Variants in KIF17 observed in about 807,000 individuals in gnomAD.
The protein encoded by KIF17 is kinesin-like protein KIF17.
Under a neutral mutation model 96.8 loss-of-function variants are expected in KIF17, and 80 were observed. That is an observed-to-expected ratio of 0.83 (90% confidence interval 0.69 to 1.00). The LOEUF is 1.00. Among genes scored for constraint, KIF17 ranks in the 50% least tolerant of loss-of-function variants. The pLI, the probability that KIF17 is intolerant of heterozygous loss-of-function variation, is 0.00. For missense variants in KIF17, 1,280 were observed against 1,372.9 expected, an observed-to-expected ratio of 0.93 and a Z score of 1.07; for synonymous variants, 567 against 587.5, an observed-to-expected ratio of 0.97 and a Z score of 0.51.
In KIF17 at chr1:20,685,690, G is replaced by T. The variant is rs1457846243; in HGVS notation, c.2019+356C>A. ...CTTCCTCTCCTTTTGCTCCCCTGGG[G>T]TGTTCAAATTGGGTTCCCCGATGGT... On this transcript the variant is annotated intron_variant, in intron 9 of 14. Coordinates refer to ENST00000400463, the MANE Select transcript of KIF17 (RefSeq NM_001122819.3). This position sits in a 1 kb window ranked among gnomAD's most constrained non-coding sequence, Gnocchi z 4.1. 6.6e-6 allele frequency among the ~76,000 whole-genome samples: 1 copy of T among 152,168 alleles called. No homozygotes were observed. Among genetic ancestry groups the T allele is most frequent in the African/African-American group, 2.4e-5 (1 of 41,426 alleles).
At chr1:20,682,610 A>G (rs1363712774) in intron 11 of KIF17, 43 bp downstream of exon 11, 1 of 1,581,602 alleles carries the variant, frequency 6.3e-7, no homozygotes, top group South Asian at 1.1e-5. Context: ...GGTCTCACCC[A>G]TCTCTGGGCA....
chr1:20,670,912 C>T (rs976253589), intron 12 of KIF17, among the ~76,000 whole-genome samples: 2 of 152,158 alleles, frequency 1.3e-5, no homozygotes, highest in Non-Finnish European at 2.9e-5. Context: ...GTCAGGTCCA[C>T]GGCTGGAGAA....
In KIF17 at chr1:20,704,915, G is replaced by A; in HGVS notation, c.671-16C>T. 1 of 1,597,772 alleles carries A rather than the reference G, an allele frequency of 6.3e-7. No individual in the cohort carries two copies. Among genetic ancestry groups the A allele is most frequent in the Non-Finnish European group, 8.5e-7 (1 of 1,178,784 alleles). On this transcript the variant is annotated splice_polypyrimidine_tract_variant and intron_variant, in intron 4 of 14. Coordinates refer to ENST00000400463, the MANE Select transcript of KIF17 (RefSeq NM_001122819.3). This position sits in a 1 kb window ranked among gnomAD's most constrained non-coding sequence, Gnocchi z 6.8. ...CCCCGCTCATCTGCACACAGACCAG[G>A]CAAAGTGGCGAGGGCCTCGGGTGAG...
Position 20,684,562 on chromosome 1 carries a change from A to G in KIF17, c.2231+247T>C, listed in dbSNP as rs148470455. Among the ~76,000 whole-genome samples, 92 of 152,058 alleles carry G rather than the reference A, an allele frequency of 6.1e-4. 1 individual carries two copies. The highest frequency in any genetic ancestry group is 1.8e-3 in the African/African-American group (75 of 41,494). On this transcript the variant is annotated intron_variant, in intron 10 of 14. Coordinates refer to ENST00000400463, the MANE Select transcript of KIF17 (RefSeq NM_001122819.3). ...CTGGGATGGGAGAAAAGCCTGCGACACTCTGCCCTGGGACTCCTGAAACCT... is the reference window on the plus strand; with the variant it reads ...CTGGGATGGGAGAAAAGCCTGCGACGCTCTGCCCTGGGACTCCTGAAACCT...
At chr1:20,671,398 T>C (rs2053645242) in intron 12 of KIF17, among the ~76,000 whole-genome samples, 1 of 152,180 alleles carries the variant, frequency 6.6e-6, no homozygotes, top group African/African-American at 2.4e-5. Context: ...TGGCACGATC[T>C]TGGCTCACTG....
Position 20,717,599 on chromosome 1 carries a change from C to G in KIF17, c.108G>C (p.Gln36His), listed in dbSNP as rs2054603755. 2 of 1,610,948 alleles carry G rather than the reference C, an allele frequency of 1.2e-6. No individual in the cohort carries two copies. Among genetic ancestry groups the G allele is most frequent in the African/African-American group, 1.3e-5 (1 of 74,908 alleles). Residue 36 changes from glutamine to histidine, a missense_variant, in exon 1 of 15, where the codon CAG becomes CAC. By Grantham distance (24) the Gln-to-His change is conservative. Coordinates refer to ENST00000400463, the MANE Select transcript of KIF17 (RefSeq NM_001122819.3). ...PVVTVDCARA[Q>H]CCIQNPGAAD... ...CGGCGCCCGGGTTCTGGATGCAGCA[C>G]TGGGCGCGCGCGCAGTCCACAGTCA...
At chr1:20,715,423 C>A (rs2054559392) in intron 2 of KIF17, 70 bp downstream of exon 2, 3 of 1,590,170 alleles carry the variant, frequency 1.9e-6, no homozygotes, top group Non-Finnish European at 2.6e-6. Flanking sequence ...CGTGTCTCTG[C>A]CACCTGTCAG....
intron 6 of KIF17, chr1:20,693,694 C>G (rs2054082645): frequency 6.6e-6 from 1 of 152,468 alleles, no homozygotes; most frequent in Non-Finnish European, 1.5e-5. Flanking sequence ...TGAGGAGACC[C>G]CTGGGGCTTT....
intron 10 of KIF17, among the ~76,000 whole-genome samples, chr1:20,684,110 T>C (rs2053886107): frequency 6.6e-6 from 1 of 152,224 alleles, no homozygotes; most frequent in Non-Finnish European, 1.5e-5. Flanking sequence ...GGTTGCAAGT[T>C]GGCCCGAGGT....
chr1:20,697,071 T>C (rs895739912), intron 6 of KIF17, among the ~76,000 whole-genome samples: 1 of 152,150 alleles, frequency 6.6e-6, no homozygotes, highest in Non-Finnish European at 1.5e-5. Context: ...GGCTCTTGGA[T>C]GGATTTCTCC....
In KIF17 at chr1:20,685,573, C is replaced by T. The variant is rs544437238; in HGVS notation, c.2019+473G>A. 2.0e-4 allele frequency among the ~76,000 whole-genome samples: 30 copies of T among 152,102 alleles called. No homozygotes were observed. The East Asian group carries it at 4.9e-3, about 25-fold the overall frequency. On this transcript the variant is annotated intron_variant, in intron 9 of 14. Coordinates refer to ENST00000400463, the MANE Select transcript of KIF17 (RefSeq NM_001122819.3). This position sits in a 1 kb window ranked among gnomAD's most constrained non-coding sequence, Gnocchi z 4.1. ...AGGGCTGCCCCGGCTGCTCCATCTA[C>T]GCCCTGCTGAGAGCCTGCTGCAGGC...
chr1:20,696,605 G>A (rs2054144331), intron 6 of KIF17, among the ~76,000 whole-genome samples: 1 of 152,022 alleles, frequency 6.6e-6, no homozygotes, highest in Non-Finnish European at 1.5e-5. Context: ...ACCACCAGGG[G>A]GAGGCAGTGC....
In KIF17 at chr1:20,698,204, T is replaced by C. The variant is rs201950664; in HGVS notation, c.1233+175A>G. Among the ~76,000 whole-genome samples the C allele has an allele frequency of 4.6e-5, 7 of 152,344 alleles. 1 individual carries two copies. The East Asian group carries it at 1.4e-3, about 29-fold the overall frequency. On this transcript the variant is annotated intron_variant, in intron 6 of 14. Coordinates refer to ENST00000400463, the MANE Select transcript of KIF17 (RefSeq NM_001122819.3). ...CAAGTTCAAATCCTGGCTCAGACTC[T>C]TTGCTGTGTGACCTTGGGCAAGTCC...
In KIF17 at chr1:20,671,970, T is replaced by G; in HGVS notation, c.2690A>C (p.His897Pro). 1.9e-6 allele frequency: 3 copies of G among 1,613,956 alleles called. No individual in the cohort carries two copies. Among genetic ancestry groups the G allele is most frequent in the Non-Finnish European group, 2.5e-6 (3 of 1,180,038 alleles). ...GAGGCTGGTTTTTGTGATGACGGGA[T>G]GTGGGATCTTCCAGAAGCCGTTATC... ...DEDNGFWKIP[H>P]PVITKTSLPV... The change falls in exon 12 of 15, where the codon CAT becomes CCT. Residue 897 changes from histidine to proline, a missense_variant. Transcript: ENST00000400463.
intron 3 of KIF17, among the ~76,000 whole-genome samples, chr1:20,712,613 TATA>T (rs1363728041): frequency 3.9e-4 from 10 of 25,858 alleles, no homozygotes; most frequent in African/African-American, 9.8e-4. Flanking sequence ...TCTATATATA[TATA>T]ATATAGATAA....
At chr1:20,668,415 A>T (rs541809169) in intron 13 of KIF17, among the ~76,000 whole-genome samples, 62 of 151,924 alleles carry the variant, frequency 4.1e-4, no homozygotes, top group African/African-American at 1.5e-3. Context: ...AAAATTCCTT[A>T]TTTTTCTTAT....
chr1:20,677,069 G>C (rs2053751729), intron 11 of KIF17, among the ~76,000 whole-genome samples: 1 of 152,014 alleles, frequency 6.6e-6, no homozygotes, highest in Non-Finnish European at 1.5e-5. Flanking sequence ...AAATTAGCCA[G>C]GCATGGTGGT....
intron 6 of KIF17, chr1:20,693,236 AC>A (rs1279892008): frequency 6.9e-6 from 1 of 145,666 alleles, no homozygotes; most frequent in African/African-American, 2.6e-5. Context: ...TTGGATGATT[AC>A]GTCCTCATCT....
chr1:20,671,882 AGG>A, intron 12 of KIF17, 54 bp downstream of exon 12: 1 of 1,593,258 alleles, frequency 6.3e-7, no homozygotes, highest in South Asian at 1.1e-5. Flanking sequence ...GCCAGTCTGC[AGG>A]ATGGTAAGCC....
Sources: allele counts gnomAD v4.1 joint callset (sites outside exome capture counted in the v4.1 genomes callset), GRCh38; gene constraint gnomAD v4.1.1; non-coding constraint Gnocchi (gnomAD v3.1); transcripts MANE v1.5; gene names NCBI Gene and HGNC (gene_info 2026-07-23, HGNC 2026-07-21).